The following LAMP2 variants were observed in gnomAD, a reference collection of about 807,000 sequenced individuals.
LAMP2 encodes lysosome associated membrane protein 2, also known as lysosome-associated membrane glycoprotein 2.
A neutral mutation model predicts 25.6 loss-of-function variants in LAMP2; 4 were observed. The observed-to-expected ratio is 0.16, with a 90% confidence interval of 0.08 to 0.36. LAMP2 has a LOEUF of 0.36. Among genes scored for constraint, LAMP2 ranks in the 10% least tolerant of loss-of-function variants. The pLI is 1.00. For synonymous variants in LAMP2, 108 were observed against 112.7 expected (o/e 0.96, Z 0.27); for missense variants, 272 against 301.4 (o/e 0.90, Z 0.72).
intron 3 of LAMP2, among the ~76,000 whole-genome samples, chrX:120,453,870 T>A (rs1212207847): frequency 3.6e-5 from 4 of 112,395 alleles, no homozygotes; most frequent in African/African-American, 1.3e-4. Context: ...AACACGCATT[T>A]CAGTTCTGGG....
intron 2 of LAMP2, among the ~76,000 whole-genome samples, chrX:120,456,158 G>A (rs1408642955): frequency 1.9e-5 from 2 of 106,560 alleles, no homozygotes; most frequent in South Asian, 4.4e-4. Flanking sequence ...TCGGCCCAGC[G>A]AGTGGCTGGA....
intron 3 of LAMP2, among the ~76,000 whole-genome samples, chrX:120,452,558 T>C (rs774675455): frequency 1.0e-5 from 1 of 96,757 alleles, no homozygotes; most frequent in African/African-American, 4.3e-5. Context: ...TTCTTTTCTT[T>C]TTTTTTTGAG....
In LAMP2 at chrX:120,428,866, C is replaced by A. The variant is rs1415814201; in HGVS notation, c.*2457G>T. The A allele has an allele frequency of 1.3e-6, 1 of 748,599 alleles. No individual in the cohort carries two copies. Among genetic ancestry groups the A allele is most frequent in the Admixed American group, 9.1e-5 (1 of 11,003 alleles). The allele number at this position is 748,599 out of a possible 1,213,427, so 61.7% of individuals were successfully genotyped here. On this transcript the variant is annotated 3_prime_UTR_variant, in exon 9 of 9. Coordinates refer to ENST00000200639, the MANE Select transcript of LAMP2 (RefSeq NM_002294.3). ...GGGAAGGGTCCAAAATAGAGAATTG[C>A]GCTTGCCTAATATGGGAAGACTTTA...
chrX:120,431,279 T>G lies in LAMP2; in HGVS notation c.*44A>C. The G allele has an allele frequency of 1.7e-6, 2 of 1,207,279 alleles. No individual in the cohort carries two copies. Among genetic ancestry groups the G allele is most frequent in the South Asian group, 3.5e-5 (2 of 56,770 alleles). ...CAACAACTGAGAGGTAAGAAAATCT[T>G]GTTATTTGCATGTATTTTTATATAA... is the stretch of plus-strand genomic sequence containing the variant. On this transcript the variant is annotated 3_prime_UTR_variant, in exon 9 of 9. Coordinates refer to ENST00000200639, the MANE Select transcript of LAMP2 (RefSeq NM_002294.3).
chrX:120,436,709 G>C (rs1218566905), intron 8 of LAMP2: 3 of 732,887 alleles, frequency 4.1e-6, no homozygotes, highest in Non-Finnish European at 4.8e-6. Flanking sequence ...TATGAATCTA[G>C]TAATACAAAT....
intron 4 of LAMP2, 132 bp downstream of exon 4, chrX:120,448,838 T>G: frequency 7.2e-6 from 4 of 555,760 alleles, no homozygotes; most frequent in Non-Finnish European, 1.2e-5. Context: ...TTACAAAAAC[T>G]TTATAGCCTA....
chrX:120,439,225 A>G (rs1276930776), intron 8 of LAMP2: 1 of 1,207,696 alleles, frequency 8.3e-7, no homozygotes, highest in Non-Finnish European at 1.1e-6. Context: ...ACGATAATCA[A>G]GCCTGAAAGA....
Position 120,430,274 on chromosome X carries a change from T to C in LAMP2, c.*1049A>G, listed in dbSNP as rs1043853074. 25 of 753,506 alleles carry C rather than the reference T, an allele frequency of 3.3e-5. No homozygotes were observed. Among genetic ancestry groups the C allele is most frequent in the Non-Finnish European group, 3.9e-5 (25 of 639,101 alleles). The allele number at this position is 753,506 out of a possible 1,213,427, so 62.1% of individuals were successfully genotyped here. A position where few individuals can be genotyped will look rare whatever the true frequency, so the allele number is the denominator to read the frequency against. ...GGGCTGATTATCTAGCTCATTTTAA[T>C]GCCAACAGCTTCTCTTTACACCCCC... On this transcript the variant is annotated 3_prime_UTR_variant, in exon 9 of 9. Transcript: ENST00000200639.
At chrX:120,450,148 C>T (rs1236864213) in intron 3 of LAMP2, among the ~76,000 whole-genome samples, 1 of 112,016 alleles carries the variant, frequency 8.9e-6, no homozygotes, top group Non-Finnish European at 1.9e-5. Flanking sequence ...AAAGATGATT[C>T]CATTTCAGGG....
intron 1 of LAMP2, among the ~76,000 whole-genome samples, chrX:120,458,994 C>T (rs1921213802): frequency 9.0e-6 from 1 of 111,704 alleles, no homozygotes; most frequent in Admixed American, 9.6e-5. Flanking sequence ...TCCAACATTC[C>T]CATATGAAAT....
At chrX:120,448,627 G>T (rs1020698586) in intron 4 of LAMP2, among the ~76,000 whole-genome samples, 1 of 112,232 alleles carries the variant, frequency 8.9e-6, no homozygotes, top group African/African-American at 3.2e-5. Flanking sequence ...TTCAAGATTA[G>T]AATATGAATC....
intron 8 of LAMP2, among the ~76,000 whole-genome samples, chrX:120,441,080 A>G (rs1032095160): frequency 8.9e-6 from 1 of 112,528 alleles, no homozygotes. Flanking sequence ...GGACAAGTCA[A>G]TTAAGGAATT....
At chrX:120,467,319 C>G (rs1330288297) in intron 1 of LAMP2, among the ~76,000 whole-genome samples, 1 of 111,524 alleles carries the variant, frequency 9.0e-6, no homozygotes, top group Non-Finnish European at 1.9e-5. Flanking sequence ...TCTTTGTTGT[C>G]AGGGGCTGCC....
At chrX:120,463,095 G>A (rs1042088056) in intron 1 of LAMP2, among the ~76,000 whole-genome samples, 3 of 111,655 alleles carry the variant, frequency 2.7e-5, no homozygotes, top group African/African-American at 9.8e-5. Context: ...TAAAATACAG[G>A]ACACAGAGGC....
chrX:120,438,348 C>T, intron 8 of LAMP2: 2 of 752,880 alleles, frequency 2.7e-6, no homozygotes, highest in African/African-American at 4.6e-5. Flanking sequence ...AGTACTAATG[C>T]CCTCAATTGG....
intron 6 of LAMP2, among the ~76,000 whole-genome samples, chrX:120,443,799 G>A (rs1035358517): frequency 4.0e-4 from 44 of 111,316 alleles, no homozygotes; most frequent in Non-Finnish European, 7.7e-4. Context: ...GGCTAACACG[G>A]TGAAATCCCG....
chrX:120,463,505 C>A (rs1014904545), intron 1 of LAMP2, among the ~76,000 whole-genome samples: 2 of 111,431 alleles, frequency 1.8e-5, no homozygotes, highest in Admixed American at 1.9e-4. Context: ...ATAAAGTATA[C>A]TTTTGGGTCT....
At chrX:120,443,112 C>G (rs2058581041) in intron 6 of LAMP2, among the ~76,000 whole-genome samples, 2 of 111,719 alleles carry the variant, frequency 1.8e-5, no homozygotes, top group Admixed American at 9.5e-5. Flanking sequence ...CAGGAGCTAC[C>G]AAAATGAACC....
At chrX:120,447,566 C>T (rs1038359763) in intron 5 of LAMP2, among the ~76,000 whole-genome samples, 53 of 106,236 alleles carry the variant, frequency 5.0e-4, no homozygotes, top group African/African-American at 1.5e-3. Flanking sequence ...AAAAATTAGC[C>T]GGGCATGGTG....
Sources: allele counts gnomAD v4.1 joint callset (sites outside exome capture counted in the v4.1 genomes callset), GRCh38; gene constraint gnomAD v4.1.1; transcripts MANE v1.5; gene names NCBI Gene and HGNC (gene_info 2026-07-23, HGNC 2026-07-21).